The following EPOP variants were observed in gnomAD, a reference collection of about 807,000 sequenced individuals.
EPOP encodes the protein elongin BC and Polycomb repressive complex 2-associated protein.
EPOP carries 14 observed loss-of-function variants against 18.2 expected under a neutral mutation model. The observed-to-expected ratio is 0.77, with a 90% confidence interval of 0.51 to 1.20. The LOEUF (loss-of-function observed/expected upper bound fraction) is 1.20, where lower values mean the gene tolerates loss of function less well. EPOP is among the 50% of genes most tolerant of loss of function. The pLI, the probability that EPOP is intolerant of heterozygous loss-of-function variation, is 0.00. For missense variants in EPOP, 527 were observed against 577.2 expected (o/e 0.91, Z 0.89); for synonymous variants, 252 against 274.9 (o/e 0.92, Z 0.83).
Position 38,673,456 on chromosome 17 carries a change from G to GGGGCCCCCCC in EPOP, c.1039_1040insGGGGGGGCCC (p.Pro347ArgfsTer22). On this transcript the variant is annotated frameshift_variant, in exon 1 of 1. Transcript: ENST00000621654. LOFTEE classifies it high-confidence loss of function. The stretch of plus-strand genomic sequence containing the variant: ...CCTCCACAGCGGGTGGGCGGGCGGG[G>GGGGCCCCCCC]GCTTAGAGTCTCCCTGGAGGCGAAG... 1 of 449,236 alleles carries GGGGCCCCCCC rather than the reference G, an allele frequency of 2.2e-6. No homozygotes were observed. Among genetic ancestry groups the GGGGCCCCCCC allele is most frequent in the Non-Finnish European group, 4.5e-6 (1 of 222,190 alleles). 27.8% of individuals were successfully genotyped at this position (449,236 alleles called of 1,614,324 possible). A position where few individuals can be genotyped will look rare whatever the true frequency, so the allele number is the denominator to read the frequency against.
In EPOP at chr17:38,672,865, G is replaced by C. The variant is rs1228376520; in HGVS notation, c.*491C>G. 6.5e-6 allele frequency: 1 copy of C among 153,482 alleles called. No individual in the cohort carries two copies. Among genetic ancestry groups the C allele is most frequent in the African/African-American group, 2.4e-5 (1 of 41,508 alleles). 9.5% of individuals were successfully genotyped at this position (153,482 alleles called of 1,614,324 possible). On this transcript the variant is annotated 3_prime_UTR_variant, in exon 1 of 1. Coordinates refer to ENST00000621654, the MANE Select transcript of EPOP (RefSeq NM_001130677.2). ...TAGGGAAGGCCTGAGGGGAGCAAAG[G>C]GTTAAAGGCCTGGACAGTGGGGGTG...
Position 38,673,869 on chromosome 17 carries a change from G to T in EPOP, c.627C>A (p.Ala209=), listed in dbSNP as rs748437278. ...APRPFLPGQP[A]EVDGNPPPAA... ...CCGGCGGGGGGTTTCCATCGACTTCGGCAGGCTGGCCGGGCAGGAACGGCC... is the reference window on the plus strand; with the variant it reads ...CCGGCGGGGGGTTTCCATCGACTTCTGCAGGCTGGCCGGGCAGGAACGGCC... Residue 209 remains alanine, a synonymous_variant, in exon 1 of 1, where the codon GCC becomes GCA. Coordinates refer to ENST00000621654, the MANE Select transcript of EPOP (RefSeq NM_001130677.2). 19 of 1,446,342 alleles carry T rather than the reference G, an allele frequency of 1.3e-5. No individual in the cohort carries two copies. In the Admixed American group the frequency reaches 5.6e-4, roughly 43 times the overall value. 89.6% of individuals were successfully genotyped at this position (1,446,342 alleles called of 1,614,324 possible). A position where few individuals can be genotyped will look rare whatever the true frequency, so the allele number is the denominator to read the frequency against.
rs924665261 is a variant in EPOP, at chr17:38,673,220, C to G, written c.*136G>C. 19 of 1,368,228 alleles carry G rather than the reference C, an allele frequency of 1.4e-5. 1 individual carries two copies. Among genetic ancestry groups the G allele is most frequent in the Middle Eastern group, 2.2e-4 (1 of 4,596 alleles). The allele number at this position is 1,368,228 out of a possible 1,614,324, so 84.8% of individuals were successfully genotyped here. A position where few individuals can be genotyped will look rare whatever the true frequency, so the allele number is the denominator to read the frequency against. ...AAAACTTAGGTGCTTGAATGAAGAT[C>G]ACTGTTATTTAGGTCCCTCTGCCCA... On this transcript the variant is annotated 3_prime_UTR_variant, in exon 1 of 1. Coordinates refer to ENST00000621654, the MANE Select transcript of EPOP (RefSeq NM_001130677.2).
At position 38,673,644 on chromosome 17, in the gene EPOP, G is replaced by T. The variant is rs532654976; in HGVS notation, c.852C>A (p.Ala284=). The T allele has an allele frequency of 1.3e-6, 2 of 1,524,966 alleles. No individual in the cohort carries two copies. The highest frequency in any genetic ancestry group is 1.4e-5 in the African/African-American group (1 of 69,508). 94.5% of individuals were successfully genotyped at this position (1,524,966 alleles called of 1,614,324 possible). The change falls in exon 1 of 1, where the codon GCC becomes GCA. Residue 284 remains alanine, a synonymous_variant. Coordinates refer to ENST00000621654, the MANE Select transcript of EPOP (RefSeq NM_001130677.2). Reference sequence around the variant, plus strand: ...GCGCCGGCAGCCGGCGTTTCTTGGCGGCTCCCCGAGCCGGCCCTTTCGCAG... The same window carrying T: ...GCGCCGGCAGCCGGCGTTTCTTGGCTGCTCCCCGAGCCGGCCCTTTCGCAG... ...RPPAKGPARG[A]AKKRRLPAPP...
In EPOP at chr17:38,674,374, C is replaced by G; in HGVS notation, c.122G>C (p.Arg41Pro). Reference sequence around the variant, plus strand: ...GGCAAGGGCGCAGAAGGCGAGGGCACGCAGGCACAGCGGAGAGAATTCCTG... The same window carrying G: ...GGCAAGGGCGCAGAAGGCGAGGGCAGGCAGGCACAGCGGAGAGAATTCCTG... ...GTQEFSPLCL[R>P]ALAFCALAKP... Residue 41 changes from arginine (R) to proline (P), a missense_variant, in exon 1 of 1, where the codon CGT (arginine) becomes CCT (proline). Arg to Pro is a moderately radical substitution (Grantham distance 103, BLOSUM62 -2). Coordinates refer to ENST00000621654, the MANE Select transcript of EPOP (RefSeq NM_001130677.2). The surrounding 1 kb of genome is among the most constrained non-coding windows in gnomAD (Gnocchi z 4.5). 6.5e-7 allele frequency: 1 copy of G among 1,543,388 alleles called. No individual in the cohort carries two copies. The highest frequency in any genetic ancestry group is 8.7e-7 in the Non-Finnish European group (1 of 1,146,200).
At position 38,673,688 on chromosome 17, in the gene EPOP, G is replaced by A. The variant is rs1210316482; in HGVS notation, c.808C>T (p.Arg270Trp). 1.3e-6 allele frequency: 2 copies of A among 1,532,256 alleles called. No individual in the cohort carries two copies. Among genetic ancestry groups the A allele is most frequent in the Non-Finnish European group, 1.8e-6 (2 of 1,139,836 alleles). 94.9% of individuals were successfully genotyped at this position (1,532,256 alleles called of 1,614,324 possible). The change falls in exon 1 of 1, where the codon CGG becomes TGG. Residue 270 changes from arginine (R) to tryptophan (W), a missense_variant. By Grantham distance (101) the Arg-to-Trp change is moderately radical. Coordinates refer to ENST00000621654, the MANE Select transcript of EPOP (RefSeq NM_001130677.2). ...GFALDTPSLR[R>W]GPERPPAKGP... ...TTCGCAGGCGGCCGCTCTGGCCCCC[G>A]GCGCAAACTCGGAGTGTCCAAGGCG... is the stretch of plus-strand genomic sequence containing the variant.
chr17:38,674,150 G>A lies in EPOP; in HGVS notation c.346C>T (p.Arg116Cys). Residue 116 changes from arginine (R) to cysteine (C), a missense_variant, in exon 1 of 1, where the codon CGC becomes TGC. Physicochemically the swap from Arg to Cys is radical, Grantham distance 180 (BLOSUM62 -3). Transcript: ENST00000621654. This position sits in a 1 kb window ranked among gnomAD's most constrained non-coding sequence, Gnocchi z 4.5. ...EDADVAACPR[R>C]GEEEEGGGGF... is the part of the protein sequence containing the mutation. ...CCTCCGCCCTCTTCCTCCTCTCCGCGGCGGGGGCACGCTGCGACGTCCGCA... is the reference window on the plus strand; with the variant it reads ...CCTCCGCCCTCTTCCTCCTCTCCGCAGCGGGGGCACGCTGCGACGTCCGCA... The A allele has an allele frequency of 6.9e-7, 1 of 1,441,862 alleles. No individual in the cohort carries two copies. Among genetic ancestry groups the A allele is most frequent in the Non-Finnish European group, 9.0e-7 (1 of 1,108,466 alleles). The allele number at this position is 1,441,862 out of a possible 1,614,324, so 89.3% of individuals were successfully genotyped here. A position where few individuals can be genotyped will look rare whatever the true frequency, so the allele number is the denominator to read the frequency against.
In EPOP at chr17:38,673,800, C is replaced by G. The variant is rs1311103741; in HGVS notation, c.696G>C (p.Pro232=). ...APAASPSTAS[P]APAAPGDLRQ... Reference sequence around the variant, plus strand: ...GGAGATCTCCGGGTGCGGCCGGAGCCGGGCTGGCCGTCGAGGGGCTGGCCG... The same window carrying G: ...GGAGATCTCCGGGTGCGGCCGGAGCGGGGCTGGCCGTCGAGGGGCTGGCCG... The change falls in exon 1 of 1, where the codon CCG becomes CCC. Residue 232 remains proline (P), a synonymous_variant. Coordinates refer to ENST00000621654, the MANE Select transcript of EPOP (RefSeq NM_001130677.2). 1.3e-6 allele frequency: 2 copies of G among 1,512,396 alleles called. No individual in the cohort carries two copies. The highest frequency in any genetic ancestry group is 1.8e-6 in the Non-Finnish European group (2 of 1,130,998). The allele number at this position is 1,512,396 out of a possible 1,614,324, so 93.7% of individuals were successfully genotyped here.
At position 38,673,717 on chromosome 17, in the gene EPOP, C is replaced by A; in HGVS notation, c.779G>T (p.Gly260Val). 1 of 1,532,396 alleles carries A rather than the reference C, an allele frequency of 6.5e-7. No homozygotes were observed. The highest frequency in any genetic ancestry group is 8.8e-7 in the Non-Finnish European group (1 of 1,139,960). 94.9% of individuals were successfully genotyped at this position (1,532,396 alleles called of 1,614,324 possible). ...CAAACTCGGAGTGTCCAAGGCGAAGCCCTTCGCGTAACACCAAAGTTTCGA... is the reference window on the plus strand; with the variant it reads ...CAAACTCGGAGTGTCCAAGGCGAAGACCTTCGCGTAACACCAAAGTTTCGA... ...RRSKLWCYAK[G>V]FALDTPSLRR... The change falls in exon 1 of 1, where the codon GGC (glycine) becomes GTC (valine). Residue 260 changes from glycine to valine, a missense_variant. By Grantham distance (109) the Gly-to-Val change is moderately radical. Transcript: ENST00000621654.
At position 38,673,478 on chromosome 17, in the gene EPOP, G is replaced by A. The variant is rs1911009406; in HGVS notation, c.1018C>T (p.Arg340Cys). 1.3e-6 allele frequency: 2 copies of A among 1,536,948 alleles called. No homozygotes were observed. The highest frequency in any genetic ancestry group is 1.2e-5 in the South Asian group (1 of 82,752). ...GGGGGCTTAGAGTCTCCCTGGAGGC[G>A]AAGCGAGGATGCCGGCTTTAGGTCT... Reference protein sequence around the residue: ...DGDLKPASSLRLQGDSKPPPA... With the variant: ...DGDLKPASSLCLQGDSKPPPA... The change falls in exon 1 of 1, where the codon CGC becomes TGC. Residue 340 changes from arginine (R) to cysteine (C), a missense_variant. Coordinates refer to ENST00000621654, the MANE Select transcript of EPOP (RefSeq NM_001130677.2).
chr17:38,674,481 G>T lies in EPOP; in HGVS notation c.15C>A (p.Cys5Ter). ...CCGGCACTGCCAGGCGGGGCGCAGG[G>T]CACAGGGTCTCCATGGAGCAGCCTG... METL[C>*]PAPRLAVPAS... The change falls in exon 1 of 1, where the codon TGC becomes TGA. Residue 5 changes from cysteine (C) to a stop codon, truncating the protein, a stop_gained. Transcript: ENST00000621654. LOFTEE classifies it high-confidence loss of function. The surrounding 1 kb of genome is among the most constrained non-coding windows in gnomAD (Gnocchi z 4.5). 1 of 1,534,464 alleles carries T rather than the reference G, an allele frequency of 6.5e-7. No homozygotes were observed. Among genetic ancestry groups the T allele is most frequent in the South Asian group, 1.2e-5 (1 of 83,366 alleles).
chr17:38,673,598 G>A lies in EPOP; in HGVS notation c.898C>T (p.Pro300Ser), dbSNP rs1265883067. 4 of 1,488,942 alleles carry A rather than the reference G, an allele frequency of 2.7e-6. No homozygotes were observed. Among genetic ancestry groups the A allele is most frequent in the Middle Eastern group, 2.1e-4 (1 of 4,850 alleles). The allele number at this position is 1,488,942 out of a possible 1,614,324, so 92.2% of individuals were successfully genotyped here. A position where few individuals can be genotyped will look rare whatever the true frequency, so the allele number is the denominator to read the frequency against. Residue 300 changes from proline to serine, a missense_variant, in exon 1 of 1, where the codon CCC (proline) becomes TCC (serine). Physicochemically the swap from Pro to Ser is moderately conservative, Grantham distance 74. Transcript: ENST00000621654. The stretch of plus-strand genomic sequence containing the variant: ...GGGAGCGTCGGTGCAGGGCGGCGGG[G>A]CTGCGCGGTGCGCGGAGGGGGCGCC... ...LPAPPPRTAQ[P>S]RRPAPTLPTT...
rs1911070891 is a variant in EPOP, at chr17:38,674,739, C to T, written c.-244G>A. 2.6e-6 allele frequency: 1 copy of T among 385,190 alleles called. No homozygotes were observed. The allele number at this position is 385,190 out of a possible 1,614,324, so 23.9% of individuals were successfully genotyped here. ...GTGAGTCCCGGCGGGGTCGGCCGCCCTTCTGCCGCCGCGTCCCCTTCGCAA... is the reference window on the plus strand; with the variant it reads ...GTGAGTCCCGGCGGGGTCGGCCGCCTTTCTGCCGCCGCGTCCCCTTCGCAA... On this transcript the variant is annotated 5_prime_UTR_variant, in exon 1 of 1. Coordinates refer to ENST00000621654, the MANE Select transcript of EPOP (RefSeq NM_001130677.2). This position sits in a 1 kb window ranked among gnomAD's most constrained non-coding sequence, Gnocchi z 4.5.
At position 38,674,133 on chromosome 17, in the gene EPOP, C is replaced by T. The variant is rs1911042358; in HGVS notation, c.363G>A (p.Glu121=). ...CGAAGTGCGGGAAACCGCCTCCGCC[C>T]TCTTCCTCCTCTCCGCGGCGGGGGC... ...AACPRRGEEE[E]GGGGFPHFGV... The change falls in exon 1 of 1, where the codon GAG becomes GAA. Residue 121 remains glutamate, a synonymous_variant. Coordinates refer to ENST00000621654, the MANE Select transcript of EPOP (RefSeq NM_001130677.2). This position sits in a 1 kb window ranked among gnomAD's most constrained non-coding sequence, Gnocchi z 4.5. 6.9e-7 allele frequency: 1 copy of T among 1,451,568 alleles called. No homozygotes were observed. The highest frequency in any genetic ancestry group is 9.0e-7 in the Non-Finnish European group (1 of 1,112,302). The allele number at this position is 1,451,568 out of a possible 1,614,324, so 89.9% of individuals were successfully genotyped here.
rs192367067 is a variant in EPOP at position 38,671,919 on chromosome 17, C to T, written c.*1437G>A. 2 of 152,266 alleles carry T rather than the reference C, an allele frequency of 1.3e-5. No homozygotes were observed. The highest frequency in any genetic ancestry group is 1.9e-4 in the East Asian group (1 of 5,166). The allele number at this position is 152,266 out of a possible 1,614,324, so 9.4% of individuals were successfully genotyped here. A position where few individuals can be genotyped will look rare whatever the true frequency, so the allele number is the denominator to read the frequency against. On this transcript the variant is annotated 3_prime_UTR_variant, in exon 1 of 1. Transcript: ENST00000621654. ...AGGCGCACTGGGTCCCTCAGTTGTT[C>T]GGCAGCTCCAAAAGCCCCAGCTTCC...
In EPOP at chr17:38,673,780, T is replaced by G. The variant is rs1468979717; in HGVS notation, c.716A>C (p.Asp239Ala). ...TASPAPAAPGDLRQEHFDRLI... is the reference protein window; with the variant it reads ...TASPAPAAPGALRQEHFDRLI... ...ACGATCGAAATGTTCCTGGCGGAGATCTCCGGGTGCGGCCGGAGCCGGGCT... is the reference window on the plus strand; with the variant it reads ...ACGATCGAAATGTTCCTGGCGGAGAGCTCCGGGTGCGGCCGGAGCCGGGCT... Residue 239 changes from aspartate (D) to alanine (A), a missense_variant, in exon 1 of 1, where the codon GAT (aspartate) becomes GCT (alanine). Coordinates refer to ENST00000621654, the MANE Select transcript of EPOP (RefSeq NM_001130677.2). The G allele has an allele frequency of 1.3e-6, 2 of 1,519,436 alleles. No individual in the cohort carries two copies. The highest frequency in any genetic ancestry group is 2.9e-5 in the African/African-American group (2 of 68,982). The allele number at this position is 1,519,436 out of a possible 1,614,324, so 94.1% of individuals were successfully genotyped here.
rs1473970130 is a variant in EPOP at position 38,674,359 on chromosome 17, C to T, written c.137G>A (p.Cys46Tyr). 6.5e-7 allele frequency: 1 copy of T among 1,542,518 alleles called. No homozygotes were observed. Among genetic ancestry groups the T allele is most frequent in the Non-Finnish European group, 8.7e-7 (1 of 1,146,150 alleles). Residue 46 changes from cysteine (C) to tyrosine (Y), a missense_variant, in exon 1 of 1, where the codon TGC (cysteine) becomes TAC (tyrosine). Transcript: ENST00000621654. This position sits in a 1 kb window ranked among gnomAD's most constrained non-coding sequence, Gnocchi z 4.5. ...GGACGCCCGGGGCTTGGCAAGGGCG[C>T]AGAAGGCGAGGGCACGCAGGCACAG... ...SPLCLRALAF[C>Y]ALAKPRASSL...
chr17:38,673,575 G>C lies in EPOP; in HGVS notation c.921C>G (p.Leu307=). The change falls in exon 1 of 1, where the codon CTC becomes CTG. Residue 307 remains leucine (L), a synonymous_variant. Transcript: ENST00000621654. Reference sequence around the variant, plus strand: ...GGAGGCTGAAGGTGCTCGTGGTGGGGAGCGTCGGTGCAGGGCGGCGGGGCT... The same window carrying C: ...GGAGGCTGAAGGTGCTCGTGGTGGGCAGCGTCGGTGCAGGGCGGCGGGGCT... ...TAQPRRPAPT[L]PTTSTFSLLN... The C allele has an allele frequency of 6.8e-7, 1 of 1,476,954 alleles. No individual in the cohort carries two copies. Among genetic ancestry groups the C allele is most frequent in the Non-Finnish European group, 9.0e-7 (1 of 1,115,042 alleles). 91.5% of individuals were successfully genotyped at this position (1,476,954 alleles called of 1,614,324 possible). A position where few individuals can be genotyped will look rare whatever the true frequency, so the allele number is the denominator to read the frequency against.
chr17:38,673,182 G>C lies in EPOP; in HGVS notation c.*174C>G. The C allele has an allele frequency of 8.5e-7, 1 of 1,182,416 alleles. No individual in the cohort carries two copies. Among genetic ancestry groups the C allele is most frequent in the East Asian group, 3.1e-5 (1 of 32,308 alleles). The allele number at this position is 1,182,416 out of a possible 1,614,324, so 73.2% of individuals were successfully genotyped here. The stretch of plus-strand genomic sequence containing the variant: ...TCCTCTGCAAAGGATGAGGGGGAGG[G>C]ACTGTCACCCCGAAAACTTAGGTGC... On this transcript the variant is annotated 3_prime_UTR_variant, in exon 1 of 1. Coordinates refer to ENST00000621654, the MANE Select transcript of EPOP (RefSeq NM_001130677.2).
Sources: allele counts gnomAD v4.1 joint callset, GRCh38; gene constraint gnomAD v4.1.1; non-coding constraint Gnocchi (gnomAD v3.1); transcripts MANE v1.5; gene names NCBI Gene and HGNC (gene_info 2026-07-23, HGNC 2026-07-21).